PCDHA10: variants seen among roughly 807,000 people sequenced by gnomAD.
The protein encoded by PCDHA10 is protocadherin alpha-10.
PCDHA10 carries 45 observed loss-of-function variants against 61.2 expected under a neutral mutation model. The ratio of observed to expected loss-of-function variants is 0.74; its 90% CI spans 0.58 to 0.94. PCDHA10 has a LOEUF of 0.94. Ranked by LOEUF, PCDHA10 falls within the 40% of genes least tolerant of loss-of-function variation. The pLI, the probability that PCDHA10 is intolerant of heterozygous loss-of-function variation, is 0.00. For missense variants in PCDHA10, 1,278 were observed against 1,236.2 expected, an observed-to-expected ratio of 1.03 and a Z score of -0.51; for synonymous variants, 602 against 548.8, an observed-to-expected ratio of 1.10 and a Z score of -1.35.
chr5:140,953,270 T>A (rs1362290837), intron 1 of PCDHA10, among the ~76,000 whole-genome samples: 6 of 152,152 alleles, frequency 3.9e-5, no homozygotes, highest in Non-Finnish European at 5.9e-5. Flanking sequence ...GCTTTAGCCT[T>A]TGCTCTTTAT....
At chr5:140,875,078 G>A (rs1554167473) in intron 1 of PCDHA10, among the ~76,000 whole-genome samples, 1 of 152,164 alleles carries the variant, frequency 6.6e-6, no homozygotes, top group Non-Finnish European at 1.5e-5. Flanking sequence ...AAGCTACAGC[G>A]TAATAAAATT....
chr5:140,908,846 T>C (rs2074185614), intron 1 of PCDHA10, among the ~76,000 whole-genome samples: 1 of 152,176 alleles, frequency 6.6e-6, no homozygotes, highest in South Asian at 2.1e-4. Context: ...TGGAGTAACA[T>C]ACCCAAATGA....
chr5:140,859,882 T>C (rs2046069596), intron 1 of PCDHA10: 1 of 152,016 alleles, frequency 6.6e-6, no homozygotes, highest in Admixed American at 6.6e-5. Context: ...CTCTGATATT[T>C]TGAAAAAAAA....
intron 1 of PCDHA10, among the ~76,000 whole-genome samples, chr5:140,965,427 G>A (rs1336088571): frequency 6.6e-6 from 1 of 152,104 alleles, no homozygotes; most frequent in Non-Finnish European, 1.5e-5. Flanking sequence ...AAGATAAGCT[G>A]CAGTCATTGA....
chr5:141,004,682 T>G (rs1002761253), intron 3 of PCDHA10, among the ~76,000 whole-genome samples: 2 of 152,184 alleles, frequency 1.3e-5, no homozygotes, highest in South Asian at 4.1e-4. Flanking sequence ...TGTGGAGTGG[T>G]GCTGAAACCC....
chr5:140,883,787 T>C (rs2059820580), intron 1 of PCDHA10: 2 of 1,612,408 alleles, frequency 1.2e-6, no homozygotes, highest in Non-Finnish European at 1.7e-6. Context: ...GCTGTCGAGC[T>C]ACGTGTCGGT....
intron 1 of PCDHA10, chr5:140,875,737 C>G: frequency 2.5e-6 from 4 of 1,614,224 alleles, no homozygotes; most frequent in Non-Finnish European, 3.4e-6. Flanking sequence ...TGTGAATTCT[C>G]GGATCGACCG....
intron 2 of PCDHA10, among the ~76,000 whole-genome samples, chr5:140,981,152 C>T (rs1340087244): frequency 6.6e-6 from 1 of 152,210 alleles, no homozygotes; most frequent in African/African-American, 2.4e-5. Flanking sequence ...AAACATTGAA[C>T]TTATATGTTG....
chr5:140,985,739 CTTTTT>C (rs11372071), intron 3 of PCDHA10, among the ~76,000 whole-genome samples: 1 of 117,916 alleles, frequency 8.5e-6, no homozygotes, highest in Non-Finnish European at 1.7e-5. Context: ...TGATGAATTC[CTTTTT>C]TTTTTTTTTT....
intron 1 of PCDHA10, chr5:140,859,021 T>C (rs537770888): frequency 6.6e-6 from 1 of 151,436 alleles, no homozygotes; most frequent in Admixed American, 6.6e-5. Context: ...GCAATTAAGT[T>C]AAATGCTTTG....
rs782325875 is a variant in PCDHA10, at chr5:140,979,026, A to T, written c.2447+19A>T. The T allele has an allele frequency of 6.2e-7, 1 of 1,613,490 alleles. No homozygotes were observed. The highest frequency in any genetic ancestry group is 1.1e-5 in the South Asian group (1 of 90,898). On this transcript the variant is annotated intron_variant, in intron 2 of 3. Transcript: ENST00000307360. ...TGCACAGGTATGTATTTCCCTCCTC[A>T]TTCACTCAGAAGTAACCTTAACTTG...
chr5:140,935,734 C>G (rs1290620794), intron 1 of PCDHA10, among the ~76,000 whole-genome samples: 1 of 152,032 alleles, frequency 6.6e-6, no homozygotes, highest in East Asian at 1.9e-4. Flanking sequence ...AGTCTAGTAT[C>G]TATTATTCCA....
At chr5:140,979,104 A>G (rs1563470833) in intron 2 of PCDHA10, 97 bp downstream of exon 2, 3 of 1,539,000 alleles carry the variant, frequency 1.9e-6, no homozygotes, top group Admixed American at 2.2e-5. Context: ...TGTCAAAACT[A>G]AAAAGCTTTA....
At chr5:140,933,265 A>G (rs2088994304) in intron 1 of PCDHA10, among the ~76,000 whole-genome samples, 1 of 152,000 alleles carries the variant, frequency 6.6e-6, no homozygotes, top group East Asian at 1.9e-4. Context: ...AGGTTATTAT[A>G]TATTCATTTG....
At chr5:140,897,353 T>C (rs1363658526) in intron 1 of PCDHA10, among the ~76,000 whole-genome samples, 3 of 116,194 alleles carry the variant, frequency 2.6e-5, no homozygotes, top group Non-Finnish European at 4.9e-5. Flanking sequence ...CCCACAACTG[T>C]CCCCAGAGTG....
chr5:140,963,856 C>T lies in PCDHA10; in HGVS notation c.2389-15093C>T, dbSNP rs76429225. 1.1e-4 allele frequency among the ~76,000 whole-genome samples: 16 copies of T among 152,242 alleles called. No individual in the cohort carries two copies. The East Asian group carries it at 2.5e-3, about 24-fold the overall frequency. On this transcript the variant is annotated intron_variant, in intron 1 of 3. Coordinates refer to ENST00000307360, the MANE Select transcript of PCDHA10 (RefSeq NM_018901.4). ...TTTCTCATGTAATCATAATAATAAC[C>T]GTATGAGTTTTGCTTACTATTGTTT... is the stretch of plus-strand genomic sequence containing the variant.
chr5:140,935,242 A>G (rs1054515711), intron 1 of PCDHA10, among the ~76,000 whole-genome samples: 16 of 152,218 alleles, frequency 1.1e-4, no homozygotes, highest in African/African-American at 3.6e-4. Context: ...ATTTTTTAAA[A>G]GATAAAATAC....
chr5:140,869,488 A>C, intron 1 of PCDHA10: 1 of 1,614,132 alleles, frequency 6.2e-7, no homozygotes. Context: ...CATTAACGAC[A>C]ACCCGCCGGT....
intron 1 of PCDHA10, among the ~76,000 whole-genome samples, chr5:140,933,667 C>A (rs2089323484): frequency 6.6e-6 from 1 of 151,936 alleles, no homozygotes. Flanking sequence ...CTCTCTCTGT[C>A]TCTCTCACAT....
Sources: allele counts gnomAD v4.1 joint callset (sites outside exome capture counted in the v4.1 genomes callset), GRCh38; gene constraint gnomAD v4.1.1; transcripts MANE v1.5; gene names NCBI Gene and HGNC (gene_info 2026-07-23, HGNC 2026-07-21).